Variants in R3HCC1L observed in about 807,000 individuals in gnomAD.
The protein encoded by R3HCC1L is coiled-coil domain-containing protein R3HCC1L.
In R3HCC1L, 51 loss-of-function variants were observed where a neutral mutation model predicts 59.9. The observed-to-expected ratio is 0.85, with a 90% CI of 0.68 to 1.07. The LOEUF (loss-of-function observed/expected upper bound fraction) is 1.07. R3HCC1L is among the 50% of genes least tolerant of loss of function. The pLI, the probability that R3HCC1L is intolerant of heterozygous loss-of-function variation, is 0.00. For synonymous variants in R3HCC1L, 322 were observed against 315.2 expected, an observed-to-expected ratio of 1.02 and a Z score of -0.23; for missense variants, 965 against 933.0, an observed-to-expected ratio of 1.03 and a Z score of -0.45.
At chr10:98,195,745 G>C (rs1851364841) in intron 4 of R3HCC1L, among the ~76,000 whole-genome samples, 1 of 152,136 alleles carries the variant, frequency 6.6e-6, no homozygotes. Context: ...CAAGTAGCCT[G>C]TAGTGGCCAA....
At chr10:98,203,827 GCTCAGGTA>G (rs1264616099) in intron 4 of R3HCC1L, among the ~76,000 whole-genome samples, 1 of 152,144 alleles carries the variant, frequency 6.6e-6, no homozygotes, top group Non-Finnish European at 1.5e-5. Context: ...TTGGACAGGT[GCTCAGGTA>G]TGATCCCAGT....
chr10:98,185,074 C>G (rs1373598769), intron 4 of R3HCC1L, among the ~76,000 whole-genome samples: 1 of 152,142 alleles, frequency 6.6e-6, no homozygotes, highest in African/African-American at 2.4e-5. Context: ...AAATGACTTT[C>G]TAACTTTCTT....
At chr10:98,195,553 T>A in intron 4 of R3HCC1L, among the ~76,000 whole-genome samples, 1 of 151,904 alleles carries the variant, frequency 6.6e-6, no homozygotes, top group East Asian at 1.9e-4. Flanking sequence ...TAGTTTTTGC[T>A]TTTAGGTTTA....
At chr10:98,222,521 AT>A (rs1307588556) in intron 5 of R3HCC1L, among the ~76,000 whole-genome samples, 2 of 151,958 alleles carry the variant, frequency 1.3e-5, no homozygotes, top group Non-Finnish European at 2.9e-5. Flanking sequence ...TGGGTTTGTC[AT>A]AGATAGCTCT....
chr10:98,183,031 C>G (rs987066141), intron 4 of R3HCC1L, among the ~76,000 whole-genome samples: 4 of 152,154 alleles, frequency 2.6e-5, no homozygotes. Flanking sequence ...TCAGCTCACC[C>G]TCTGTCGGCT....
chr10:98,157,233 C>A (rs1025907345), intron 2 of R3HCC1L, among the ~76,000 whole-genome samples: 1 of 152,096 alleles, frequency 6.6e-6, no homozygotes, highest in Admixed American at 6.5e-5. Flanking sequence ...TGGTGTGGGT[C>A]TGTGTTTATT....
intron 4 of R3HCC1L, among the ~76,000 whole-genome samples, chr10:98,200,803 A>T (rs1851951520): frequency 6.6e-6 from 1 of 152,190 alleles, no homozygotes; most frequent in African/African-American, 2.4e-5. Flanking sequence ...AAGAAAGAGA[A>T]ACTAGAATAG....
At chr10:98,179,724 A>G (rs1849437952) in intron 4 of R3HCC1L, among the ~76,000 whole-genome samples, 1 of 152,154 alleles carries the variant, frequency 6.6e-6, no homozygotes, top group Non-Finnish European at 1.5e-5. Context: ...GCTATTAATT[A>G]TTACCTCAAT....
chr10:98,173,767 C>G (rs1848742225), intron 4 of R3HCC1L, among the ~76,000 whole-genome samples: 1 of 152,110 alleles, frequency 6.6e-6, no homozygotes, highest in Non-Finnish European at 1.5e-5. Flanking sequence ...GTGCCCCCTC[C>G]CCATAAGCTA....
chr10:98,145,282 A>G (rs1350054822), intron 1 of R3HCC1L, among the ~76,000 whole-genome samples: 3 of 152,234 alleles, frequency 2.0e-5, no homozygotes, highest in African/African-American at 4.8e-5. Flanking sequence ...AGTAGGAATA[A>G]TGTAAAAATA....
intron 9 of R3HCC1L, among the ~76,000 whole-genome samples, chr10:98,239,540 T>A (rs922137665): frequency 1.3e-5 from 2 of 152,212 alleles, no homozygotes; most frequent in African/African-American, 2.4e-5. Context: ...CATTGGTTAC[T>A]CTAATTTTTC....
At chr10:98,141,299 T>TA (rs886503157) in intron 1 of R3HCC1L, among the ~76,000 whole-genome samples, 15 of 152,342 alleles carry the variant, frequency 9.8e-5, no homozygotes, top group African/African-American at 3.6e-4. Context: ...ATTCAGGGTA[T>TA]ATATGAGATG....
chr10:98,195,055 G>A (rs1851275832), intron 4 of R3HCC1L, among the ~76,000 whole-genome samples: 1 of 152,120 alleles, frequency 6.6e-6, no homozygotes, highest in Non-Finnish European at 1.5e-5. Context: ...ATCAAGATGT[G>A]GAAGCAACGT....
At chr10:98,166,069 C>G (rs1354690942) in intron 4 of R3HCC1L, among the ~76,000 whole-genome samples, 1 of 152,194 alleles carries the variant, frequency 6.6e-6, no homozygotes, top group East Asian at 1.9e-4. Flanking sequence ...GCTTGGGAAG[C>G]TGAGGCAGGA....
At chr10:98,180,769 CTCT>C (rs1214133562) in intron 4 of R3HCC1L, among the ~76,000 whole-genome samples, 45 of 152,244 alleles carry the variant, frequency 3.0e-4, no homozygotes, top group Non-Finnish European at 1.5e-4. Flanking sequence ...GGATAGTTAG[CTCT>C]TCTTGTTGAA....
At chr10:98,218,247 C>CACT (rs1306409902) in intron 5 of R3HCC1L, among the ~76,000 whole-genome samples, 9 of 151,838 alleles carry the variant, frequency 5.9e-5, no homozygotes, top group Non-Finnish European at 1.2e-4. Flanking sequence ...AGTGCTTTTT[C>CACT]TGTATCTGTT....
In R3HCC1L at chr10:98,185,168, A is replaced by G. The variant is rs555302642; in HGVS notation, c.-15+21771A>G. Reference sequence around the variant, plus strand: ...ATTTTTGATGGTTAAAGTATCTTTTAAATCTGTTCCTTTCAGTTTTTTCCT... The same window carrying G: ...ATTTTTGATGGTTAAAGTATCTTTTGAATCTGTTCCTTTCAGTTTTTTCCT... On this transcript the variant is annotated intron_variant, in intron 4 of 9. Transcript: ENST00000298999. 7.2e-5 allele frequency among the ~76,000 whole-genome samples: 11 copies of G among 152,262 alleles called. No individual in the cohort carries two copies. The South Asian group carries it at 2.3e-3, about 32-fold the overall frequency.
intron 5 of R3HCC1L, among the ~76,000 whole-genome samples, chr10:98,214,708 T>C (rs983057752): frequency 9.9e-5 from 15 of 152,214 alleles, no homozygotes; most frequent in East Asian, 1.9e-4. Context: ...TTCTTATTCC[T>C]ATCTTCCAAG....
At chr10:98,210,007 C>T (rs2135286284) in intron 5 of R3HCC1L, 108 bp downstream of exon 5, 1 of 823,106 alleles carries the variant, frequency 1.2e-6, no homozygotes, top group Non-Finnish European at 1.9e-6. Flanking sequence ...AGAGTTCCTG[C>T]AATAAACTAA....
Sources: allele counts gnomAD v4.1 joint callset (sites outside exome capture counted in the v4.1 genomes callset), GRCh38; gene constraint gnomAD v4.1.1; transcripts MANE v1.5; gene names NCBI Gene and HGNC (gene_info 2026-07-23, HGNC 2026-07-21).